Variants in EPHA6 observed in about 807,000 individuals in gnomAD.
EPHA6 encodes EPH receptor A6.
In EPHA6, 50 loss-of-function variants were observed where a neutral mutation model predicts 112.0. The ratio of observed to expected loss-of-function variants is 0.45; its 90% CI spans 0.36 to 0.56. EPHA6 has a LOEUF of 0.56. EPHA6 is among the 20% of genes least tolerant of loss of function. EPHA6 has a pLI of 0.00. For synonymous variants in EPHA6, 529 were observed against 490.7 expected (o/e 1.08, Z -1.03); for missense variants, 1,280 against 1,417.4 (o/e 0.90, Z 1.56).
chr3:97,617,985 T>A (rs1194967549), intron 13 of EPHA6, among the ~76,000 whole-genome samples: 1 of 152,172 alleles, frequency 6.6e-6, no homozygotes, highest in Non-Finnish European at 1.5e-5. Flanking sequence ...TACATTTTTC[T>A]CGTCACCACA....
intron 2 of EPHA6, among the ~76,000 whole-genome samples, chr3:96,888,627 C>CA (rs2037773887): frequency 6.6e-6 from 1 of 152,180 alleles, no homozygotes; most frequent in East Asian, 1.9e-4. Context: ...GGCTGGGATG[C>CA]AGGGCACCAG....
intron 5 of EPHA6, among the ~76,000 whole-genome samples, chr3:97,361,231 G>C (rs1291829766): frequency 6.6e-6 from 1 of 152,116 alleles, no homozygotes; most frequent in Admixed American, 6.5e-5. Flanking sequence ...GTAAGAAACC[G>C]TGTTAATAAA....
chr3:97,251,898 C>T (rs542669603), intron 5 of EPHA6, among the ~76,000 whole-genome samples: 1 of 152,248 alleles, frequency 6.6e-6, no homozygotes, highest in Non-Finnish European at 1.5e-5. Context: ...CTCAACTTGG[C>T]ACAATGTTTT....
chr3:97,303,296 C>CA (rs1397862530), intron 5 of EPHA6, among the ~76,000 whole-genome samples: 5 of 150,920 alleles, frequency 3.3e-5, no homozygotes, highest in Admixed American at 6.6e-5. Context: ...AATATAAGGA[C>CA]AAAAAAAATA....
intron 3 of EPHA6, among the ~76,000 whole-genome samples, chr3:97,106,761 C>G (rs189810333): frequency 6.6e-6 from 1 of 152,234 alleles, no homozygotes; most frequent in Admixed American, 6.5e-5. Flanking sequence ...GACTTACTGC[C>G]GAGGGGTCGG....
intron 6 of EPHA6, among the ~76,000 whole-genome samples, chr3:97,436,740 T>C (rs891454811): frequency 3.3e-5 from 5 of 152,326 alleles, no homozygotes; most frequent in Admixed American, 3.3e-4. Context: ...TTTAATTCTG[T>C]TGGAAACTCT....
intron 3 of EPHA6, among the ~76,000 whole-genome samples, chr3:97,175,704 AG>A (rs1319652754): frequency 2.0e-5 from 3 of 151,846 alleles, no homozygotes; most frequent in Non-Finnish European, 4.4e-5. Flanking sequence ...CACTGTTGGC[AG>A]ATAAGAATGC....
chr3:97,342,952 A>T (rs1286043838), intron 5 of EPHA6, among the ~76,000 whole-genome samples: 1 of 152,184 alleles, frequency 6.6e-6, no homozygotes. Context: ...AGGTGGAGAA[A>T]TAGTGTAATA....
At chr3:97,493,955 A>T (rs1461795388) in intron 10 of EPHA6, among the ~76,000 whole-genome samples, 1 of 152,186 alleles carries the variant, frequency 6.6e-6, no homozygotes, top group Non-Finnish European at 1.5e-5. Flanking sequence ...CTTTTCAGAT[A>T]ATATGCTGAT....
At chr3:97,584,485 C>T (rs2093469756) in intron 11 of EPHA6, among the ~76,000 whole-genome samples, 1 of 152,202 alleles carries the variant, frequency 6.6e-6, no homozygotes, top group Admixed American at 6.5e-5. Context: ...GCTTTGTCAT[C>T]AACTGGATAT....
At chr3:97,678,152 G>A (rs538678039) in intron 14 of EPHA6, among the ~76,000 whole-genome samples, 1 of 152,204 alleles carries the variant, frequency 6.6e-6, no homozygotes, top group East Asian at 1.9e-4. Context: ...GTGGTGACTG[G>A]AAATCTGGTG....
At chr3:97,414,455 T>C (rs2087966190) in intron 6 of EPHA6, among the ~76,000 whole-genome samples, 2 of 152,006 alleles carry the variant, frequency 1.3e-5, no homozygotes, top group Non-Finnish European at 2.9e-5. Context: ...CTTTAAAATT[T>C]AGAGAAAAAA....
At chr3:96,835,836 G>A (rs1377396798) in intron 1 of EPHA6, among the ~76,000 whole-genome samples, 1 of 151,976 alleles carries the variant, frequency 6.6e-6, no homozygotes, top group Non-Finnish European at 1.5e-5. Context: ...CATAAGTATT[G>A]TTTATTTCCT....
In EPHA6 at chr3:97,650,254, G is replaced by A. The variant is rs114260238; in HGVS notation, c.2784+12172G>A. On this transcript the variant is annotated intron_variant, in intron 14 of 17. Coordinates refer to ENST00000389672, the MANE Select transcript of EPHA6 (RefSeq NM_001080448.3). ...AGGCATAGAGACCCAGAATCTTAAT[G>A]GTACTTGTCTGGGATGGTAGTTTCA... Among the ~76,000 whole-genome samples, 1,440 of 152,162 alleles carry A rather than the reference G, an allele frequency of 9.5e-3. 17 individuals are homozygous for A. Among genetic ancestry groups the A allele is most frequent in the African/African-American group, 0.033 (1,369 of 41,522 alleles).
Position 97,050,949 on chromosome 3 carries a change from G to A in EPHA6, c.1114+62956G>A, listed in dbSNP as rs571707740. Among the ~76,000 whole-genome samples, 51 of 152,122 alleles carry A rather than the reference G, an allele frequency of 3.4e-4. No homozygotes were observed. In the South Asian group the frequency reaches 7.9e-3, roughly 24 times the overall value. On this transcript the variant is annotated intron_variant, in intron 3 of 17. Transcript: ENST00000389672. ...CTCACTAAATTTATATACTAATATCGAACTTGAATTTACTTAGTCCTGGTA... is the reference window on the plus strand; with the variant it reads ...CTCACTAAATTTATATACTAATATCAAACTTGAATTTACTTAGTCCTGGTA...
rs1341776819 is a variant in EPHA6 at position 96,988,068 on chromosome 3, A to G, written c.1114+75A>G. 13 of 1,199,090 alleles carry G rather than the reference A, an allele frequency of 1.1e-5. No homozygotes were observed. In the East Asian group the frequency reaches 2.3e-4, roughly 21 times the overall value. 74.3% of individuals were successfully genotyped at this position (1,199,090 alleles called of 1,614,324 possible). A position where few individuals can be genotyped will look rare whatever the true frequency, so the allele number is the denominator to read the frequency against. ...AAAAGTTTTATTTTTTAAATTAACA[A>G]ATAGTAATTGTGCATATTCATGGGT... On this transcript the variant is annotated intron_variant, in intron 3 of 17. Transcript: ENST00000389672.
At chr3:97,192,813 T>C (rs2077343360) in intron 3 of EPHA6, among the ~76,000 whole-genome samples, 1 of 152,164 alleles carries the variant, frequency 6.6e-6, no homozygotes, top group African/African-American at 2.4e-5. Flanking sequence ...TGGCAAGAGA[T>C]AGGGATGTAG....
At chr3:97,290,332 C>T (rs916862285) in intron 5 of EPHA6, among the ~76,000 whole-genome samples, 1 of 152,004 alleles carries the variant, frequency 6.6e-6, no homozygotes, top group Admixed American at 6.6e-5. Context: ...TTTTTTGAAT[C>T]TATTGACACT....
At chr3:97,315,580 T>G (rs1469143267) in intron 5 of EPHA6, among the ~76,000 whole-genome samples, 9 of 151,704 alleles carry the variant, frequency 5.9e-5, no homozygotes, top group Non-Finnish European at 1.3e-4. Flanking sequence ...GTTATTTAGA[T>G]ATAATTTAGC....
Sources: allele counts gnomAD v4.1 joint callset (sites outside exome capture counted in the v4.1 genomes callset), GRCh38; gene constraint gnomAD v4.1.1; transcripts MANE v1.5; gene names NCBI Gene and HGNC (gene_info 2026-07-23, HGNC 2026-07-21).